The following PDS5B variants were observed in gnomAD, a reference collection of about 807,000 sequenced individuals.
The protein encoded by PDS5B is PDS5 cohesin associated factor B.
Under a neutral mutation model 184.1 loss-of-function variants are expected in PDS5B, and 51 were observed. The ratio of observed to expected loss-of-function variants is 0.28; its 90% CI spans 0.22 to 0.35. PDS5B has a LOEUF of 0.35. PDS5B is among the 10% of genes least tolerant of loss of function. PDS5B has a pLI of 1.00. For synonymous variants in PDS5B, 566 were observed against 569.2 expected, an observed-to-expected ratio of 0.99 and a Z score of 0.08; for missense variants, 1,180 against 1,723.3, an observed-to-expected ratio of 0.68 and a Z score of 5.58.
intron 1 of PDS5B, among the ~76,000 whole-genome samples, chr13:32,591,407 A>T (rs892118446): frequency 7.2e-5 from 11 of 152,268 alleles, no homozygotes; most frequent in African/African-American, 2.6e-4. Context: ...ATGAGCCACC[A>T]CGTCCGGCCT....
chr13:32,645,934 T>G (rs1950207836), intron 1 of PDS5B, among the ~76,000 whole-genome samples: 1 of 152,034 alleles, frequency 6.6e-6, no homozygotes, highest in Non-Finnish European at 1.5e-5. Flanking sequence ...GTAATCATAC[T>G]CTTATGTAGT....
intron 8 of PDS5B, among the ~76,000 whole-genome samples, chr13:32,674,401 T>TA (rs1951014338): frequency 6.6e-6 from 1 of 152,168 alleles, no homozygotes; most frequent in African/African-American, 2.4e-5. Context: ...GTTTTTGGTA[T>TA]ATTTCTCAAA....
At chr13:32,716,661 A>G (rs1169253585) in intron 19 of PDS5B, among the ~76,000 whole-genome samples, 3 of 80,504 alleles carry the variant, frequency 3.7e-5, no homozygotes, top group Non-Finnish European at 8.2e-5. Context: ...TTTGGGAGGG[A>G]GGTGGGGGGG....
chr13:32,709,283 A>G (rs946444588), intron 18 of PDS5B, among the ~76,000 whole-genome samples: 5 of 152,026 alleles, frequency 3.3e-5, no homozygotes, highest in African/African-American at 1.2e-4. Context: ...AACACAACCC[A>G]TCTGAAATTT....
intron 1 of PDS5B, among the ~76,000 whole-genome samples, chr13:32,645,948 T>G (rs1301125640): frequency 6.6e-6 from 1 of 152,076 alleles, no homozygotes; most frequent in Non-Finnish European, 1.5e-5. Flanking sequence ...ATGTAGTGTT[T>G]TGTGTCTGGC....
chr13:32,721,334 GC>G (rs886264768), intron 19 of PDS5B, among the ~76,000 whole-genome samples: 3 of 151,584 alleles, frequency 2.0e-5, no homozygotes, highest in Non-Finnish European at 4.4e-5. Flanking sequence ...AGACGGGGCG[GC>G]TGCCGGGCGA....
rs886586238 is a variant in PDS5B at position 32,733,816 on chromosome 13, TTAG to T, written c.2248-1351_2248-1349del. On this transcript the variant is annotated intron_variant, in intron 20 of 34. Transcript: ENST00000315596. The stretch of plus-strand genomic sequence containing the variant: ...TCCTTTCCCAGAGGCAGAGCCATTG[TTAG>T]TAGTTTCTAAACGTACTTTTCCAGA... 2.4e-4 allele frequency among the ~76,000 whole-genome samples: 37 copies of T among 152,298 alleles called. 1 individual carries two copies. The highest frequency in any genetic ancestry group is 8.7e-4 in the African/African-American group (36 of 41,570).
chr13:32,607,912 G>A (rs558902763), intron 1 of PDS5B, among the ~76,000 whole-genome samples: 4 of 152,338 alleles, frequency 2.6e-5, no homozygotes, highest in Non-Finnish European at 5.9e-5. Flanking sequence ...CTTTGGAAAA[G>A]CACAGTAGCA....
At chr13:32,587,652 G>T (rs1261760131) in intron 1 of PDS5B, among the ~76,000 whole-genome samples, 3 of 152,204 alleles carry the variant, frequency 2.0e-5, no homozygotes, top group African/African-American at 7.2e-5. Context: ...GACGGGGCGA[G>T]CTCCGGGAAG....
chr13:32,658,726 G>A (rs1220292372), intron 5 of PDS5B, among the ~76,000 whole-genome samples, 195 bp downstream of exon 5: 2 of 152,108 alleles, frequency 1.3e-5, no homozygotes, highest in African/African-American at 4.8e-5. Flanking sequence ...GGTTAGAGGA[G>A]TGGCATAAGG....
chr13:32,711,049 G>A (rs1054712092), intron 19 of PDS5B, among the ~76,000 whole-genome samples: 5 of 150,936 alleles, frequency 3.3e-5, no homozygotes, highest in African/African-American at 1.2e-4. Flanking sequence ...GGAGTGTAGT[G>A]TGGTGTGATC....
At chr13:32,672,840 C>T (rs1182835781) in intron 7 of PDS5B, among the ~76,000 whole-genome samples, 2 of 152,200 alleles carry the variant, frequency 1.3e-5, no homozygotes, top group Non-Finnish European at 2.9e-5. Flanking sequence ...TGCAGACACA[C>T]CCAAGACACG....
At chr13:32,643,302 C>T (rs1478617525) in intron 1 of PDS5B, among the ~76,000 whole-genome samples, 1 of 152,068 alleles carries the variant, frequency 6.6e-6, no homozygotes, top group Non-Finnish European at 1.5e-5. Context: ...AGTGTTTTTC[C>T]TAACCTGAAG....
chr13:32,605,593 T>G (rs1203118946), intron 1 of PDS5B, among the ~76,000 whole-genome samples: 1 of 152,188 alleles, frequency 6.6e-6, no homozygotes, highest in East Asian at 1.9e-4. Flanking sequence ...TAGGTCTGCT[T>G]GGTGCAGAGG....
At chr13:32,703,383 G>T (rs1402685786) in intron 17 of PDS5B, among the ~76,000 whole-genome samples, 1 of 152,148 alleles carries the variant, frequency 6.6e-6, no homozygotes, top group Non-Finnish European at 1.5e-5. Context: ...ACCAGGAATA[G>T]ATCTTGGCTT....
At chr13:32,674,398 G>T (rs1951014182) in intron 8 of PDS5B, among the ~76,000 whole-genome samples, 1 of 151,986 alleles carries the variant, frequency 6.6e-6, no homozygotes, top group African/African-American at 2.4e-5. Flanking sequence ...GTAGTTTTTG[G>T]TATATTTCTC....
intron 30 of PDS5B, among the ~76,000 whole-genome samples, chr13:32,762,448 G>A (rs1022366078): frequency 4.6e-5 from 7 of 152,144 alleles, no homozygotes; most frequent in African/African-American, 1.4e-4. Flanking sequence ...GCTTTTGTTT[G>A]TTCTAGATTC....
rs571567035 is a variant in PDS5B, at chr13:32,668,637, A to G, written c.705+793A>G. Among the ~76,000 whole-genome samples, 4 of 152,298 alleles carry G rather than the reference A, an allele frequency of 2.6e-5. No individual in the cohort carries two copies. In the South Asian group the frequency reaches 8.3e-4, roughly 32 times the overall value. On this transcript the variant is annotated intron_variant, in intron 7 of 34. Transcript: ENST00000315596. Reference sequence around the variant, plus strand: ...GGCCCTTGGAATTGTGTAACAGTTCAGTCCCTCCACCTGCTTTTCAGTTTC... The same window carrying G: ...GGCCCTTGGAATTGTGTAACAGTTCGGTCCCTCCACCTGCTTTTCAGTTTC...
At chr13:32,716,160 A>G (rs369998168) in intron 19 of PDS5B, among the ~76,000 whole-genome samples, 16 of 130,140 alleles carry the variant, frequency 1.2e-4, no homozygotes, top group African/African-American at 2.4e-4. Flanking sequence ...CTGGCTGCCC[A>G]GTCTGGATAG....
Sources: allele counts gnomAD v4.1 joint callset (sites outside exome capture counted in the v4.1 genomes callset), GRCh38; gene constraint gnomAD v4.1.1; transcripts MANE v1.5; gene names NCBI Gene and HGNC (gene_info 2026-07-23, HGNC 2026-07-21).